PRKN: variants seen among roughly 807,000 people sequenced by gnomAD.
PRKN encodes the protein parkin RBR E3 ubiquitin protein ligase, also known as E3 ubiquitin-protein ligase parkin.
In PRKN, 56 loss-of-function variants were observed where a neutral mutation model predicts 59.5. The observed-to-expected ratio is 0.94, with a 90% CI of 0.76 to 1.18. PRKN has a LOEUF of 1.18. Ranked by LOEUF, PRKN falls within the 50% of genes most tolerant of loss-of-function variation. The pLI is 0.00. For synonymous variants in PRKN, 250 were observed against 222.1 expected, an observed-to-expected ratio of 1.13 and a Z score of -1.12; for missense variants, 657 against 596.4, an observed-to-expected ratio of 1.10 and a Z score of -1.06.
intron 4 of PRKN, among the ~76,000 whole-genome samples, chr6:162,179,458 C>T (rs1783692820): frequency 6.6e-6 from 1 of 152,170 alleles, no homozygotes; most frequent in Non-Finnish European, 1.5e-5. Context: ...CCGGCAGCTG[C>T]TGTGTTTCCT....
intron 2 of PRKN, among the ~76,000 whole-genome samples, chr6:162,347,175 G>T (rs1583419386): frequency 2.1e-5 from 3 of 142,358 alleles, no homozygotes; most frequent in South Asian, 2.2e-4. Flanking sequence ...TTTTCTTTAG[G>T]TTCTTTCTGT....
rs1280219498 is a variant in PRKN at position 161,445,167 on chromosome 6, C to T, written c.1084-58290G>A. ...CCAAAGCCGCGGCGCTGACACAGCTCCCCCTGCACGAGTGTACAGCAGTCA... is the reference window on the plus strand; with the variant it reads ...CCAAAGCCGCGGCGCTGACACAGCTTCCCCTGCACGAGTGTACAGCAGTCA... On this transcript the variant is annotated intron_variant, in intron 9 of 11. Transcript: ENST00000366898. This position sits in a 1 kb window ranked among gnomAD's most constrained non-coding sequence, Gnocchi z 7.7. Among the ~76,000 whole-genome samples, 1 of 152,116 alleles carries T rather than the reference C, an allele frequency of 6.6e-6. No individual in the cohort carries two copies. The highest frequency in any genetic ancestry group is 1.9e-4 in the East Asian group (1 of 5,172).
intron 7 of PRKN, among the ~76,000 whole-genome samples, chr6:161,663,852 C>T (rs1015286822): frequency 5.3e-5 from 8 of 152,170 alleles, no homozygotes; most frequent in Admixed American, 2.6e-4. Flanking sequence ...TGGTGGACCA[C>T]GAGGAGCAGC....
intron 1 of PRKN, among the ~76,000 whole-genome samples, chr6:162,652,297 T>C (rs117978976): frequency 0.015 from 2,349 of 152,332 alleles, 37 homozygotes; most frequent in Admixed American, 0.056. Flanking sequence ...CTGACTGATA[T>C]GTCATAGCGA....
At chr6:162,726,625 T>G (rs928397651) in intron 1 of PRKN, among the ~76,000 whole-genome samples, 1 of 152,304 alleles carries the variant, frequency 6.6e-6, no homozygotes, top group Non-Finnish European at 1.5e-5. Context: ...ATGTAAGAAG[T>G]GTTTTCAGTG....
rs1491004781 is a variant in PRKN at position 161,483,176 on chromosome 6, A to AC, written c.1083+65677_1083+65678insG. On this transcript the variant is annotated intron_variant, in intron 9 of 11. Coordinates refer to ENST00000366898, the MANE Select transcript of PRKN (RefSeq NM_004562.3). This position sits in a 1 kb window ranked among gnomAD's most constrained non-coding sequence, Gnocchi z 5.0. ...CGTGACAACTAACAATTGTGTTTCA[A>AC]AAAAAAAAAAAAAAACATGCATTGT... Among the ~76,000 whole-genome samples, 3 of 54,382 alleles carry AC rather than the reference A, an allele frequency of 5.5e-5. No homozygotes were observed. In the Admixed American group the frequency reaches 7.0e-4, roughly 13 times the overall value. 35.7% of individuals were successfully genotyped at this position (54,382 alleles called of 152,430 possible). A position where few individuals can be genotyped will look rare whatever the true frequency, so the allele number is the denominator to read the frequency against.
chr6:162,297,307 A>G (rs894439928), intron 2 of PRKN, among the ~76,000 whole-genome samples: 1 of 152,002 alleles, frequency 6.6e-6, no homozygotes, highest in Non-Finnish European at 1.5e-5. Flanking sequence ...AGTTTCATCA[A>G]TGGCATCCGT....
chr6:162,257,607 A>G (rs951222190), intron 3 of PRKN, among the ~76,000 whole-genome samples: 1 of 151,992 alleles, frequency 6.6e-6, no homozygotes, highest in Non-Finnish European at 1.5e-5. Context: ...TTCCTCATCT[A>G]TAAAGAGGAT....
intron 1 of PRKN, among the ~76,000 whole-genome samples, chr6:162,700,557 A>G (rs1436461220): frequency 1.3e-5 from 2 of 152,296 alleles, no homozygotes; most frequent in East Asian, 1.9e-4. Context: ...TGGGATCACA[A>G]TATCAAACTA....
chr6:162,167,547 C>A (rs1366102813), intron 4 of PRKN, among the ~76,000 whole-genome samples: 6 of 150,742 alleles, frequency 4.0e-5, no homozygotes, highest in Admixed American at 1.3e-4. Context: ...TTAATTTCCA[C>A]GAAACAGTCA....
At chr6:161,573,096 T>C (rs1780955788) in intron 7 of PRKN, among the ~76,000 whole-genome samples, 1 of 152,072 alleles carries the variant, frequency 6.6e-6, no homozygotes, top group African/African-American at 2.4e-5. Flanking sequence ...TCCCATGGTC[T>C]GGGGCCGAGT....
intron 6 of PRKN, among the ~76,000 whole-genome samples, chr6:161,871,030 GGA>G (rs765347550): frequency 1.3e-5 from 2 of 151,800 alleles, no homozygotes; most frequent in Non-Finnish European, 2.9e-5. Context: ...GAAGGGGAGA[GGA>G]GAGAGGAGGA....
At chr6:161,491,442 T>C (rs1332048179) in intron 9 of PRKN, among the ~76,000 whole-genome samples, 1 of 152,114 alleles carries the variant, frequency 6.6e-6, no homozygotes, top group African/African-American at 2.4e-5. Flanking sequence ...AGAGGGAGTC[T>C]AAGAGTATAA....
Position 161,739,608 on chromosome 6 carries a change from C to G in PRKN, c.871+46164G>C, listed in dbSNP as rs1788107319. Among the ~76,000 whole-genome samples the G allele has an allele frequency of 3.3e-5, 5 of 152,268 alleles. No homozygotes were observed. In the South Asian group the frequency reaches 1.0e-3, roughly 32 times the overall value. ...CTCTCACCATCAACATTTCCTTTCACTACTTTTCCAAACTGCTACACTTGA... is the reference window on the plus strand; with the variant it reads ...CTCTCACCATCAACATTTCCTTTCAGTACTTTTCCAAACTGCTACACTTGA... On this transcript the variant is annotated intron_variant, in intron 7 of 11. Coordinates refer to ENST00000366898, the MANE Select transcript of PRKN (RefSeq NM_004562.3).
chr6:161,996,215 C>A (rs1048293394), intron 5 of PRKN, among the ~76,000 whole-genome samples: 2 of 151,818 alleles, frequency 1.3e-5, no homozygotes, highest in Non-Finnish European at 2.9e-5. Flanking sequence ...TACTAATCAG[C>A]CACAAAAAGG....
At chr6:161,656,207 G>A (rs556028987) in intron 7 of PRKN, among the ~76,000 whole-genome samples, 86 of 152,304 alleles carry the variant, frequency 5.6e-4, no homozygotes, top group African/African-American at 1.9e-3. Context: ...AATCCTCAGC[G>A]ATGGGCGTGC....
At position 161,483,897 on chromosome 6, in the gene PRKN, A is replaced by C. The variant is rs1055816855; in HGVS notation, c.1083+64957T>G. Among the ~76,000 whole-genome samples the C allele has an allele frequency of 2.6e-5, 4 of 152,166 alleles. No individual in the cohort carries two copies. The highest frequency in any genetic ancestry group is 2.6e-4 in the Admixed American group (4 of 15,274). On this transcript the variant is annotated intron_variant, in intron 9 of 11. Transcript: ENST00000366898. This position sits in a 1 kb window ranked among gnomAD's most constrained non-coding sequence, Gnocchi z 5.0. ...TGCAGGGACATGGATGAAGCTGGAA[A>C]CCGTTATCCTCAGCAAACTAATGCA...
At chr6:162,575,885 G>T (rs934465627) in intron 1 of PRKN, among the ~76,000 whole-genome samples, 2 of 152,084 alleles carry the variant, frequency 1.3e-5, no homozygotes, top group African/African-American at 4.8e-5. Flanking sequence ...TGGATCTCTT[G>T]TACACTCTTG....
At chr6:162,713,801 T>C (rs1456257295) in intron 1 of PRKN, among the ~76,000 whole-genome samples, 2 of 152,164 alleles carry the variant, frequency 1.3e-5, no homozygotes, top group African/African-American at 4.8e-5. Context: ...AGAAGCAGAA[T>C]TATAGAAGCT....
Sources: gnomAD v4.1 joint callset for allele counts (sites outside exome capture counted in the v4.1 genomes callset) on GRCh38, gnomAD v4.1.1 for gene constraint, Gnocchi (gnomAD v3.1) non-coding constraint, MANE v1.5 for transcripts, NCBI Gene and HGNC (gene_info 2026-07-23, HGNC 2026-07-21) for gene names.